Variants in SLC24A3 observed in about 807,000 individuals in gnomAD.
The protein encoded by SLC24A3 is sodium/potassium/calcium exchanger 3.
SLC24A3 carries 28 observed loss-of-function variants against 75.8 expected under a neutral mutation model. The ratio of observed to expected loss-of-function variants is 0.37; its 90% CI spans 0.27 to 0.51. The LOEUF is 0.51. Among genes scored for constraint, SLC24A3 ranks in the 20% least tolerant of loss-of-function variants. The pLI is 0.94. For missense variants in SLC24A3, 663 were observed against 847.8 expected (o/e 0.78, Z 2.71); for synonymous variants, 372 against 334.1 (o/e 1.11, Z -1.24).
At chr20:19,357,597 T>C (rs917498042) in intron 2 of SLC24A3, among the ~76,000 whole-genome samples, 1 of 152,232 alleles carries the variant, frequency 6.6e-6, no homozygotes, top group Non-Finnish European at 1.5e-5. Context: ...TATACAGAAG[T>C]TTTAAACTTT....
intron 6 of SLC24A3, among the ~76,000 whole-genome samples, chr20:19,640,949 A>G (rs983765794): frequency 6.6e-6 from 1 of 152,198 alleles, no homozygotes. Flanking sequence ...AATTTGACTT[A>G]AATATTTTAT....
rs564826888 is a variant in SLC24A3 at position 19,265,203 on chromosome 20, G to A, written c.143-15756G>A. ...GCCCAGGCTAGCCAGGTATTTTGGG[G>A]GGCTAGGTGTCAACTGTCTTGCTCC... On this transcript the variant is annotated intron_variant, in intron 1 of 16. Transcript: ENST00000328041. Among the ~76,000 whole-genome samples the A allele has an allele frequency of 5.3e-5, 8 of 152,316 alleles. No homozygotes were observed. In the South Asian group the frequency reaches 1.7e-3, roughly 32 times the overall value.
At chr20:19,494,706 G>A (rs189992995) in intron 2 of SLC24A3, among the ~76,000 whole-genome samples, 30 of 152,300 alleles carry the variant, frequency 2.0e-4, no homozygotes, top group Non-Finnish European at 3.8e-4. Flanking sequence ...GAAGGAGCTA[G>A]ACCCACTCAT....
intron 2 of SLC24A3, among the ~76,000 whole-genome samples, chr20:19,324,022 G>C (rs1252195171): frequency 6.6e-6 from 1 of 152,156 alleles, no homozygotes; most frequent in Non-Finnish European, 1.5e-5. Flanking sequence ...ATCACACACA[G>C]GGAGCTCTCA....
intron 2 of SLC24A3, among the ~76,000 whole-genome samples, chr20:19,446,248 A>G (rs1004841999): frequency 1.3e-5 from 2 of 152,244 alleles, no homozygotes; most frequent in African/African-American, 4.8e-5. Context: ...TTAATTAAAC[A>G]TGGAAAAGCA....
chr20:19,692,895 C>T (rs191978229), intron 12 of SLC24A3, among the ~76,000 whole-genome samples: 102 of 152,062 alleles, frequency 6.7e-4, no homozygotes, highest in African/African-American at 2.3e-3. Flanking sequence ...CCCATTTCGA[C>T]CCCCTGCACC....
intron 2 of SLC24A3, among the ~76,000 whole-genome samples, chr20:19,316,906 C>T (rs781583598): frequency 1.1e-3 from 169 of 152,028 alleles, no homozygotes; most frequent in Non-Finnish European, 1.0e-3. Context: ...AAATGTGTGC[C>T]ATTGTGGTTT....
At chr20:19,266,191 T>C (rs1247751937) in intron 1 of SLC24A3, among the ~76,000 whole-genome samples, 2 of 152,196 alleles carry the variant, frequency 1.3e-5, no homozygotes, top group African/African-American at 4.8e-5. Context: ...TATAGTCTAA[T>C]AGGGGAAATA....
At chr20:19,296,335 T>C (rs1984060421) in intron 2 of SLC24A3, among the ~76,000 whole-genome samples, 1 of 149,278 alleles carries the variant, frequency 6.7e-6, no homozygotes, top group East Asian at 2.0e-4. Flanking sequence ...GGGTTTCTCA[T>C]GTCTCTGTCT....
At chr20:19,227,213 C>T (rs977293243) in intron 1 of SLC24A3, among the ~76,000 whole-genome samples, 3 of 152,084 alleles carry the variant, frequency 2.0e-5, no homozygotes, top group Non-Finnish European at 2.9e-5. Context: ...CCTTCTTTAC[C>T]GAGCAGGTTC....
intron 3 of SLC24A3, among the ~76,000 whole-genome samples, chr20:19,540,912 A>T (rs1261457215): frequency 6.6e-6 from 1 of 152,192 alleles, no homozygotes; most frequent in African/African-American, 2.4e-5. Context: ...GTCACTTTAG[A>T]TGTATTTGAA....
intron 1 of SLC24A3, among the ~76,000 whole-genome samples, chr20:19,237,212 C>T (rs1438929187): frequency 1.3e-5 from 2 of 152,126 alleles, no homozygotes; most frequent in Non-Finnish European, 2.9e-5. Flanking sequence ...GTTCCTTCTG[C>T]CATGGAAAGA....
chr20:19,637,666 G>A (rs1277271272), intron 6 of SLC24A3, among the ~76,000 whole-genome samples: 1 of 152,202 alleles, frequency 6.6e-6, no homozygotes, highest in East Asian at 1.9e-4. Flanking sequence ...ACAACTGAAA[G>A]AGGATGACGG....
intron 3 of SLC24A3, among the ~76,000 whole-genome samples, chr20:19,537,677 C>A (rs1370245706): frequency 2.6e-5 from 4 of 152,110 alleles, no homozygotes; most frequent in Non-Finnish European, 4.4e-5. Context: ...CACATATACA[C>A]CATGGAATAC....
At chr20:19,665,831 GTC>G in intron 7 of SLC24A3, 31 bp from the exon 8 acceptor site, 1 of 1,404,784 alleles carries the variant, frequency 7.1e-7, no homozygotes, top group Non-Finnish European at 9.8e-7. Flanking sequence ...GTGTGTGTGT[GTC>G]TAATCTTCTA....
intron 1 of SLC24A3, among the ~76,000 whole-genome samples, chr20:19,241,578 A>G (rs890576628): frequency 6.6e-6 from 1 of 152,252 alleles, no homozygotes; most frequent in Non-Finnish European, 1.5e-5. Flanking sequence ...ATTGAAAAGT[A>G]CTTGTAAGTA....
intron 2 of SLC24A3, among the ~76,000 whole-genome samples, chr20:19,301,073 A>C (rs3827979): frequency 0.021 from 3,196 of 152,108 alleles, 46 homozygotes; most frequent in African/African-American, 0.034. Context: ...TGGCAATTGG[A>C]GCCAGTGTCT....
chr20:19,712,497 G>A (rs1363755832), intron 15 of SLC24A3, among the ~76,000 whole-genome samples: 2 of 152,098 alleles, frequency 1.3e-5, no homozygotes, highest in Admixed American at 6.5e-5. Flanking sequence ...GTGGGAAGGA[G>A]GTGAGACCCC....
chr20:19,580,486 C>A (rs1304731310), intron 4 of SLC24A3, among the ~76,000 whole-genome samples: 2 of 152,086 alleles, frequency 1.3e-5, no homozygotes, highest in Admixed American at 1.3e-4. Flanking sequence ...GGATTAAAAA[C>A]CTCCAACCGC....
Sources: gnomAD v4.1 joint callset for allele counts (sites outside exome capture counted in the v4.1 genomes callset) on GRCh38, gnomAD v4.1.1 for gene constraint, MANE v1.5 for transcripts, NCBI Gene and HGNC (gene_info 2026-07-23, HGNC 2026-07-21) for gene names.